Variants in TRIM5 observed in about 807,000 individuals in gnomAD.
TRIM5 encodes tripartite motif-containing protein 5.
A neutral mutation model predicts 35.6 loss-of-function variants in TRIM5; 31 were observed. That is an observed-to-expected ratio of 0.87 (90% confidence interval 0.65 to 1.18). The LOEUF (loss-of-function observed/expected upper bound fraction) is 1.18. Among genes scored for constraint, TRIM5 ranks in the 50% most tolerant of loss-of-function variants. The pLI, the probability that TRIM5 is intolerant of heterozygous loss-of-function variation, is 0.00. For missense variants in TRIM5, 609 were observed against 591.6 expected (o/e 1.03, Z -0.31); for synonymous variants, 243 against 215.6 (o/e 1.13, Z -1.11).
At chr11:5,652,088 T>C in the TRIM5 span, among the ~76,000 whole-genome samples, 1 of 152,220 alleles carries the variant, frequency 6.6e-6, no homozygotes. Context: ...TCTCCCATTT[T>C]GTAGGTTGTG....
the TRIM5 span, chr11:5,605,403 A>C: frequency 6.2e-7 from 1 of 1,614,202 alleles, no homozygotes; most frequent in Non-Finnish European, 8.5e-7. Context: ...TATCCTAGAC[A>C]GAGTGGAGCA....
chr11:5,641,413 C>A, the TRIM5 span: 1 of 1,195,720 alleles, frequency 8.4e-7, no homozygotes, highest in Non-Finnish European at 1.1e-6. Context: ...TTCAGAGCTA[C>A]AGCCAAAAAG....
In TRIM5 at chr11:5,665,191, T is replaced by A. The variant is rs773329708; in HGVS notation, c.1100A>T (p.Lys367Met). Residue 367 changes from lysine to methionine, a missense_variant, in exon 8 of 8, where the codon AAG becomes ATG. Transcript: ENST00000380034. ...GKHYWEVDVS[K>M]KTAWILGVCA... Reference sequence around the variant, plus strand: ...TACCCCCAGGATCCAAGCAGTTTTCTTGGACACGTCTACCTCCCAGTAATG... The same window carrying A: ...TACCCCCAGGATCCAAGCAGTTTTCATGGACACGTCTACCTCCCAGTAATG... The A allele has an allele frequency of 6.2e-7, 1 of 1,614,016 alleles. No homozygotes were observed. The highest frequency in any genetic ancestry group is 1.3e-5 in the African/African-American group (1 of 74,910).
At chr11:5,597,934 T>C in the TRIM5 span, among the ~76,000 whole-genome samples, 1 of 136,476 alleles carries the variant, frequency 7.3e-6, no homozygotes, top group Non-Finnish European at 1.6e-5. Flanking sequence ...AATATTAAAG[T>C]GCAGATTCTG....
chr11:5,650,244 T>C, the TRIM5 span, among the ~76,000 whole-genome samples: 1 of 152,232 alleles, frequency 6.6e-6, no homozygotes, highest in Admixed American at 6.5e-5. Flanking sequence ...TAAGGTAGCT[T>C]TCCAATTCCT....
the TRIM5 span, chr11:5,642,959 T>A: frequency 6.8e-7 from 1 of 1,459,890 alleles, no homozygotes; most frequent in East Asian, 2.4e-5. Flanking sequence ...CCAAAACATT[T>A]GCTAAATACA....
chr11:5,632,561 T>G, the TRIM5 span: 1 of 1,613,700 alleles, frequency 6.2e-7, no homozygotes, highest in Non-Finnish European at 8.5e-7. Flanking sequence ...CTGGCCAACA[T>G]AGTGGAGAGA....
the TRIM5 span, among the ~76,000 whole-genome samples, chr11:5,593,461 G>A: frequency 6.6e-6 from 1 of 152,046 alleles, no homozygotes; most frequent in African/African-American, 2.4e-5. Context: ...ATATATTAGA[G>A]ATTTCCTCAA....
chr11:5,599,577 G>T, the TRIM5 span, among the ~76,000 whole-genome samples: 1 of 152,076 alleles, frequency 6.6e-6, no homozygotes, highest in Non-Finnish European at 1.5e-5. Flanking sequence ...CTAAATTTTT[G>T]TATTTTTAGT....
the TRIM5 span, among the ~76,000 whole-genome samples, chr11:5,614,961 G>T: frequency 6.6e-6 from 1 of 151,974 alleles, no homozygotes; most frequent in South Asian, 2.1e-4. Flanking sequence ...GGCTTTAAAT[G>T]CATCTCACAA....
chr11:5,676,185 A>G (rs1004244444), intron 4 of TRIM5, among the ~76,000 whole-genome samples: 2 of 151,912 alleles, frequency 1.3e-5, no homozygotes, highest in African/African-American at 4.8e-5. Context: ...TCTTTATAGC[A>G]GCATGATTTA....
the TRIM5 span, among the ~76,000 whole-genome samples, chr11:5,644,874 G>T: frequency 6.6e-6 from 1 of 152,152 alleles, no homozygotes; most frequent in Admixed American, 6.6e-5. Context: ...GGGGCCTCAT[G>T]GAGGGCCTCG....
At chr11:5,659,124 A>G (rs557465858), downstream of TRIM5, among the ~76,000 whole-genome samples, 136 of 152,124 alleles carry the variant, frequency 8.9e-4, no homozygotes, top group Non-Finnish European at 1.1e-3. Flanking sequence ...CACATTGTGC[A>G]CATGTACCCT....
the TRIM5 span, among the ~76,000 whole-genome samples, chr11:5,656,866 G>A: frequency 6.6e-6 from 1 of 152,288 alleles, no homozygotes; most frequent in South Asian, 2.1e-4. Flanking sequence ...GTAGGTGGGA[G>A]TATAAATTGG....
At chr11:5,663,193 A>C, downstream of TRIM5, 1 of 914,234 alleles carries the variant, frequency 1.1e-6, no homozygotes, top group Non-Finnish European at 1.3e-6. Flanking sequence ...TACCCCTTAC[A>C]TGCTAGAAAT....
At chr11:5,617,142 CAT>C in the TRIM5 span, among the ~76,000 whole-genome samples, 10 of 141,112 alleles carry the variant, frequency 7.1e-5, 1 homozygote, top group East Asian at 1.8e-3. Flanking sequence ...ATCTTGAAAA[CAT>C]ACTAGTATTT....
intron 4 of TRIM5, 104 bp from the exon 5 acceptor site, chr11:5,667,815 T>C (rs914844472): frequency 3.9e-5 from 50 of 1,274,726 alleles, no homozygotes; most frequent in Non-Finnish European, 5.1e-5. Flanking sequence ...AGAATGGAGA[T>C]GGTGACAGTG....
At chr11:5,627,913 T>G in the TRIM5 span, among the ~76,000 whole-genome samples, 1 of 152,222 alleles carries the variant, frequency 6.6e-6, no homozygotes, top group Non-Finnish European at 1.5e-5. Flanking sequence ...GACTTAAAGT[T>G]TGCATTATCA....
the TRIM5 span, chr11:5,643,701 A>T: frequency 6.3e-7 from 1 of 1,579,552 alleles, no homozygotes; most frequent in Non-Finnish European, 8.6e-7. Flanking sequence ...ATGCCCACCA[A>T]GCTCTTGAAT....
Sources: allele counts gnomAD v4.1 joint callset (sites outside exome capture counted in the v4.1 genomes callset), GRCh38; gene constraint gnomAD v4.1.1; transcripts MANE v1.5; gene names NCBI Gene and HGNC (gene_info 2026-07-23, HGNC 2026-07-21).